Variants in SEM1 observed in about 807,000 individuals in gnomAD.
The protein encoded by SEM1 is 26S proteasome complex subunit SEM1.
A neutral mutation model predicts 12.7 loss-of-function variants in SEM1; 3 were observed. The ratio of observed to expected loss-of-function variants is 0.24; its 90% CI spans 0.11 to 0.61. The LOEUF is 0.61. Among genes scored for constraint, SEM1 ranks in the 20% least tolerant of loss-of-function variants. SEM1 has a pLI of 0.88. For missense variants in SEM1, 59 were observed against 81.3 expected, an observed-to-expected ratio of 0.73 and a Z score of 1.06; for synonymous variants, 30 against 27.8, an observed-to-expected ratio of 1.08 and a Z score of -0.25.
intron 2 of SEM1, among the ~76,000 whole-genome samples, chr7:96,520,423 A>G (rs1804233124): frequency 6.6e-6 from 1 of 152,182 alleles, no homozygotes; most frequent in African/African-American, 2.4e-5. Context: ...GTAGGTAATT[A>G]AATGCTATAC....
At chr7:96,659,969 G>A (rs971976092) in intron 2 of SEM1, among the ~76,000 whole-genome samples, 2 of 148,388 alleles carry the variant, frequency 1.3e-5, no homozygotes, top group African/African-American at 2.5e-5. Flanking sequence ...CACAGTAAGT[G>A]GGATTATATT....
Position 96,578,921 on chromosome 7 carries a change from C to T in SEM1, c.171-72223G>A, listed in dbSNP as rs577289020. On this transcript the variant is annotated intron_variant and NMD_transcript_variant, in intron 2 of 3. Coordinates refer to the SEM1 transcript ENST00000466986. Reference sequence around the variant, plus strand: ...ATTTTATGGATACAATTATTGGTTACAATAGCAGTCACCAGCCTGCAGATC... The same window carrying T: ...ATTTTATGGATACAATTATTGGTTATAATAGCAGTCACCAGCCTGCAGATC... Among the ~76,000 whole-genome samples, 3 of 152,208 alleles carry T rather than the reference C, an allele frequency of 2.0e-5. No homozygotes were observed. The South Asian group carries it at 6.2e-4, about 32-fold the overall frequency.
At chr7:96,563,708 C>G (rs536694492) in intron 2 of SEM1, among the ~76,000 whole-genome samples, 2 of 151,876 alleles carry the variant, frequency 1.3e-5, no homozygotes. Flanking sequence ...TAGAACAGCA[C>G]GTGTAACCAT....
At chr7:96,584,932 A>G (rs935442902) in intron 2 of SEM1, among the ~76,000 whole-genome samples, 5 of 150,592 alleles carry the variant, frequency 3.3e-5, no homozygotes, top group African/African-American at 1.2e-4. Flanking sequence ...TGTAGCTCGG[A>G]GTAATTTGAT....
chr7:96,579,654 A>G (rs956929165), intron 2 of SEM1, among the ~76,000 whole-genome samples: 1 of 152,248 alleles, frequency 6.6e-6, no homozygotes, highest in African/African-American at 2.4e-5. Context: ...TAATATTCAT[A>G]GTAATGTGAA....
chr7:96,557,947 C>G (rs1044825507), intron 2 of SEM1, among the ~76,000 whole-genome samples: 1 of 152,140 alleles, frequency 6.6e-6, no homozygotes, highest in African/African-American at 2.4e-5. Context: ...GGGAGTGACC[C>G]GATTTTCCAG....
chr7:96,681,056 C>T (rs1479912980), intron 2 of SEM1, among the ~76,000 whole-genome samples: 1 of 152,074 alleles, frequency 6.6e-6, no homozygotes, highest in Non-Finnish European at 1.5e-5. Flanking sequence ...TGCAAAATCA[C>T]CTAGCCTTTC....
intron 2 of SEM1, among the ~76,000 whole-genome samples, chr7:96,522,668 G>A (rs1293963526): frequency 4.0e-5 from 6 of 151,100 alleles, no homozygotes; most frequent in African/African-American, 9.7e-5. Flanking sequence ...ATCTGAGGTC[G>A]GGAGTTCGAG....
chr7:96,526,137 A>G (rs958948579), intron 2 of SEM1, among the ~76,000 whole-genome samples: 9 of 152,226 alleles, frequency 5.9e-5, no homozygotes, highest in Admixed American at 4.6e-4. Flanking sequence ...TTTTTAAACA[A>G]TATTTCTTTA....
chr7:96,581,741 T>C (rs1293310110), intron 2 of SEM1, among the ~76,000 whole-genome samples: 1 of 152,076 alleles, frequency 6.6e-6, no homozygotes, highest in Non-Finnish European at 1.5e-5. Context: ...CAACTGTGAA[T>C]GGGAGTTCAC....
intron 2 of SEM1, among the ~76,000 whole-genome samples, chr7:96,663,490 C>T (rs1789074593): frequency 6.6e-6 from 1 of 152,084 alleles, no homozygotes; most frequent in African/African-American, 2.4e-5. Flanking sequence ...TGATTCGGGC[C>T]TGACACCTAG....
chr7:96,509,153 A>ATTT (rs71127457), intron 2 of SEM1, among the ~76,000 whole-genome samples: 4 of 120,852 alleles, frequency 3.3e-5, no homozygotes, highest in East Asian at 2.6e-4. Flanking sequence ...CGTCCAGCTA[A>ATTT]TTTTTTTTTT....
chr7:96,484,951 C>G (rs1269174413), intron 2 of SEM1: 1 of 670,778 alleles, frequency 1.5e-6, no homozygotes, highest in Non-Finnish European at 2.3e-6. Flanking sequence ...CTACAGTCAG[C>G]TGTTATTCCT....
At chr7:96,526,938 G>A (rs911773030) in intron 2 of SEM1, among the ~76,000 whole-genome samples, 7 of 152,056 alleles carry the variant, frequency 4.6e-5, no homozygotes, top group Non-Finnish European at 8.8e-5. Flanking sequence ...GGAAGAAGAC[G>A]TGGGTAAAAG....
At chr7:96,643,518 C>T (rs1037404550) in intron 2 of SEM1, among the ~76,000 whole-genome samples, 26 of 151,978 alleles carry the variant, frequency 1.7e-4, no homozygotes, top group Middle Eastern at 3.4e-3. Flanking sequence ...ATGTTTACTG[C>T]GGCACTATTC....
chr7:96,529,946 C>G (rs1277103471), intron 2 of SEM1, among the ~76,000 whole-genome samples: 1 of 152,090 alleles, frequency 6.6e-6, no homozygotes, highest in African/African-American at 2.4e-5. Context: ...AACAGTTGTA[C>G]AACTTCCTTC....
chr7:96,690,625 C>A (rs533279699), intron 2 of SEM1, among the ~76,000 whole-genome samples: 1 of 152,058 alleles, frequency 6.6e-6, no homozygotes, highest in Non-Finnish European at 1.5e-5. Flanking sequence ...CTATCTGAAA[C>A]GAAAACAGCA....
intron 2 of SEM1, among the ~76,000 whole-genome samples, chr7:96,631,695 T>C (rs551392537): frequency 2.6e-5 from 4 of 152,142 alleles, no homozygotes; most frequent in South Asian, 4.2e-4. Flanking sequence ...AAAGCCAAAA[T>C]TGACAAATGG....
At chr7:96,653,062 T>G (rs1809052078) in intron 2 of SEM1, among the ~76,000 whole-genome samples, 1 of 152,218 alleles carries the variant, frequency 6.6e-6, no homozygotes. Flanking sequence ...TGGCAGGTAC[T>G]ATGATCTCCA....
Sources: allele counts gnomAD v4.1 joint callset (sites outside exome capture counted in the v4.1 genomes callset), GRCh38; gene constraint gnomAD v4.1.1; transcripts MANE v1.5; gene names NCBI Gene and HGNC (gene_info 2026-07-23, HGNC 2026-07-21).